Variants in CEP112 observed in about 807,000 individuals in gnomAD.
The protein encoded by CEP112 is centrosomal protein of 112 kDa.
CEP112 carries 127 observed loss-of-function variants against 153.0 expected under a neutral mutation model. The ratio of observed to expected loss-of-function variants is 0.83; its 90% CI spans 0.72 to 0.96. The LOEUF is 0.96. Ranked by LOEUF, CEP112 falls within the 40% of genes least tolerant of loss-of-function variation. The probability of loss-of-function intolerance (pLI) is 0.00; values close to 1 mark genes in which losing one functional copy is unlikely to be tolerated. For synonymous variants in CEP112, 358 were observed against 374.4 expected, an observed-to-expected ratio of 0.96 and a Z score of 0.51; for missense variants, 1,089 against 1,101.2, an observed-to-expected ratio of 0.99 and a Z score of 0.16.
chr17:66,035,974 T>C (rs2065723018), intron 12 of CEP112, among the ~76,000 whole-genome samples: 1 of 152,166 alleles, frequency 6.6e-6, no homozygotes, highest in South Asian at 2.1e-4. Context: ...TAAATGTCCA[T>C]GGATGAATGA....
chr17:65,650,730 T>TAAAAAAA (rs71361240), intron 24 of CEP112, among the ~76,000 whole-genome samples: 4 of 44,230 alleles, frequency 9.0e-5, no homozygotes, highest in East Asian at 5.6e-4. Context: ...AACTCTCTAC[T>TAAAAAAA]AAAAAAAAAA....
At chr17:66,008,220 C>A (rs983867366) in intron 16 of CEP112, among the ~76,000 whole-genome samples, 1 of 151,994 alleles carries the variant, frequency 6.6e-6, no homozygotes, top group Non-Finnish European at 1.5e-5. Context: ...AGCTAAGTCA[C>A]ATATTCATAT....
intron 21 of CEP112, among the ~76,000 whole-genome samples, chr17:65,833,659 A>G (rs938339438): frequency 6.6e-6 from 1 of 152,134 alleles, no homozygotes; most frequent in African/African-American, 2.4e-5. Context: ...CCACGGAGGT[A>G]AAAAGTCTCT....
At chr17:65,660,299 CTTTT>C (rs1297212807) in intron 24 of CEP112, among the ~76,000 whole-genome samples, 1 of 136,882 alleles carries the variant, frequency 7.3e-6, no homozygotes, top group Non-Finnish European at 1.5e-5. Context: ...CCCTCCTTCT[CTTTT>C]CTCTCTTTCT....
At chr17:65,761,723 T>C (rs2052624549) in intron 21 of CEP112, among the ~76,000 whole-genome samples, 1 of 152,164 alleles carries the variant, frequency 6.6e-6, no homozygotes. Flanking sequence ...TCTGTTGATT[T>C]CTAGTTTAGT....
intron 18 of CEP112, among the ~76,000 whole-genome samples, chr17:65,957,708 G>A (rs895527360): frequency 1.3e-5 from 2 of 151,710 alleles, no homozygotes; most frequent in African/African-American, 4.8e-5. Flanking sequence ...TCTTATTTTG[G>A]ACATTTTGTT....
At chr17:65,956,952 T>C (rs2062024157) in intron 18 of CEP112, among the ~76,000 whole-genome samples, 1 of 152,172 alleles carries the variant, frequency 6.6e-6, no homozygotes, top group African/African-American at 2.4e-5. Context: ...GCTATATAGC[T>C]GCATTGTATA....
chr17:65,911,657 T>C (rs566982676), intron 19 of CEP112, among the ~76,000 whole-genome samples: 1 of 152,252 alleles, frequency 6.6e-6, no homozygotes, highest in South Asian at 2.1e-4. Flanking sequence ...ATCAAGACCC[T>C]ATCTCTATAA....
At chr17:65,682,087 G>A (rs574171456) in intron 24 of CEP112, among the ~76,000 whole-genome samples, 24 of 152,004 alleles carry the variant, frequency 1.6e-4, no homozygotes, top group South Asian at 2.1e-4. Flanking sequence ...TCTGCTGCCC[G>A]GGTTCAAGCA....
intron 20 of CEP112, among the ~76,000 whole-genome samples, chr17:65,852,412 CCCTCCCTTCCTT>C (rs1206658939): frequency 1.7e-4 from 3 of 17,908 alleles, no homozygotes; most frequent in Admixed American, 5.4e-4. Flanking sequence ...CTCCCTCCCT[CCCTCCCTTCCTT>C]CCTTCCCTCC....
chr17:66,082,741 C>A (rs545861458), intron 8 of CEP112, among the ~76,000 whole-genome samples: 3 of 149,800 alleles, frequency 2.0e-5, no homozygotes, highest in Admixed American at 1.3e-4. Flanking sequence ...CCAGCCTGGG[C>A]GACAGAGCGA....
intron 6 of CEP112, among the ~76,000 whole-genome samples, chr17:66,126,664 T>C (rs2069865678): frequency 6.6e-6 from 1 of 152,222 alleles, no homozygotes; most frequent in African/African-American, 2.4e-5. Flanking sequence ...ATTTGAATTA[T>C]GTATTCCTAG....
intron 21 of CEP112, among the ~76,000 whole-genome samples, chr17:65,825,652 C>A (rs1188606824): frequency 1.3e-5 from 2 of 152,022 alleles, no homozygotes; most frequent in South Asian, 2.1e-4. Flanking sequence ...GTACTTAACA[C>A]CACTGAACTG....
intron 20 of CEP112, among the ~76,000 whole-genome samples, chr17:65,852,749 T>G (rs539854202): frequency 6.6e-6 from 1 of 152,072 alleles, no homozygotes; most frequent in South Asian, 2.1e-4. Flanking sequence ...TTTTACTTTT[T>G]ATTGATTGAT....
chr17:66,011,093 T>G (rs989194129), intron 16 of CEP112, among the ~76,000 whole-genome samples: 1 of 152,006 alleles, frequency 6.6e-6, no homozygotes, highest in African/African-American at 2.4e-5. Context: ...GGTCCTGGGG[T>G]TTTTTTGGTT....
intron 23 of CEP112, among the ~76,000 whole-genome samples, chr17:65,732,210 T>C (rs2050548551): frequency 6.6e-6 from 1 of 152,222 alleles, no homozygotes; most frequent in African/African-American, 2.4e-5. Context: ...GAAAACAACA[T>C]TCATCTCCTT....
intron 20 of CEP112, chr17:65,873,813 A>G (rs1287117429): frequency 6.6e-6 from 1 of 152,232 alleles, no homozygotes; most frequent in African/African-American, 2.4e-5. Flanking sequence ...GAAGAAAATT[A>G]TATAAAGTGT....
intron 21 of CEP112, among the ~76,000 whole-genome samples, chr17:65,806,605 G>A (rs1355988500): frequency 6.6e-6 from 1 of 152,180 alleles, no homozygotes; most frequent in Non-Finnish European, 1.5e-5. Flanking sequence ...AATTCCCCTT[G>A]CTGTTCTTGT....
intron 4 of CEP112, among the ~76,000 whole-genome samples, chr17:66,151,236 G>T (rs2071197940): frequency 6.6e-6 from 1 of 152,208 alleles, no homozygotes; most frequent in East Asian, 1.9e-4. Flanking sequence ...TATTGGTTTT[G>T]TCACAGCTCT....
Sources: allele counts gnomAD v4.1 joint callset (sites outside exome capture counted in the v4.1 genomes callset), GRCh38; gene constraint gnomAD v4.1.1; transcripts MANE v1.5; gene names NCBI Gene and HGNC (gene_info 2026-07-23, HGNC 2026-07-21).